Variants in PDE2A observed in about 807,000 individuals in gnomAD.
The protein encoded by PDE2A is phosphodiesterase 2A.
PDE2A carries 53 observed loss-of-function variants against 133.6 expected under a neutral mutation model. The ratio of observed to expected loss-of-function variants is 0.40; its 90% CI spans 0.32 to 0.50. The LOEUF (loss-of-function observed/expected upper bound fraction) is 0.50. PDE2A is among the 20% of genes least tolerant of loss of function. The pLI is 0.73. For missense variants in PDE2A, 796 were observed against 1,232.4 expected (o/e 0.65, Z 5.30); for synonymous variants, 491 against 490.2 (o/e 1.00, Z -0.02).
rs753790488 is a variant in PDE2A at position 72,577,226 on chromosome 11, C to T, written c.*158G>A. On this transcript the variant is annotated 3_prime_UTR_variant, in exon 31 of 31. Transcript: ENST00000334456. ...GGAAGTCTTGCTTCCATTATACAGA[C>T]GAGAAAGCTGAGGCCCAGGAAGGTA... 6.6e-5 allele frequency: 40 copies of T among 606,412 alleles called. No homozygotes were observed. The highest frequency in any genetic ancestry group is 8.8e-5 in the Admixed American group (3 of 34,138). The allele number at this position is 606,412 out of a possible 1,614,324, so 37.6% of individuals were successfully genotyped here. A position where few individuals can be genotyped will look rare whatever the true frequency, so the allele number is the denominator to read the frequency against.
intron 2 of PDE2A, among the ~76,000 whole-genome samples, chr11:72,624,673 T>G (rs552987042): frequency 5.9e-5 from 9 of 152,234 alleles, no homozygotes; most frequent in Non-Finnish European, 1.3e-4. Flanking sequence ...ACTGTCACTT[T>G]CAGTGTCACA....
In PDE2A at chr11:72,661,168, G is replaced by T. The variant is rs1026219470; in HGVS notation, c.71+12969C>A. Among the ~76,000 whole-genome samples, 5 of 152,218 alleles carry T rather than the reference G, an allele frequency of 3.3e-5. 1 individual carries two copies. Among genetic ancestry groups the T allele is most frequent in the Admixed American group, 2.6e-4 (4 of 15,300 alleles). On this transcript the variant is annotated intron_variant, in intron 1 of 30. Coordinates refer to ENST00000334456, the MANE Select transcript of PDE2A (RefSeq NM_002599.5). ...AAAAATAGAAAAATTAGCCAGGCAT[G>T]GTGGTGCGCACCTGTAATCCCAGCT...
chr11:72,608,683 C>G lies in PDE2A; in HGVS notation c.213G>C (p.Leu71=), dbSNP rs772749422. ...CTACCACTCGGGGGAGCACAGCTGA[C>G]AGGGCCTCCTTGACAGCACGTTGCA... ...SGLQRAVKEA[L]SAVLPRVETV... Residue 71 remains leucine, a synonymous_variant, in exon 3 of 31, where the codon CTG becomes CTC. Transcript: ENST00000334456. 4.5e-6 allele frequency: 7 copies of G among 1,571,204 alleles called. No individual in the cohort carries two copies. The highest frequency in any genetic ancestry group is 6.1e-6 in the Non-Finnish European group (7 of 1,156,228).
In PDE2A at chr11:72,589,210, C is replaced by T; in HGVS notation, c.904G>A (p.Asp302Asn). 6.2e-7 allele frequency: 1 copy of T among 1,613,878 alleles called. No homozygotes were observed. Residue 302 changes from aspartate (D) to asparagine (N), a missense_variant, in exon 12 of 31, where the codon GAC becomes AAC. Asp to Asn is a conservative substitution (Grantham distance 23). Around this residue, in one of 7 missense-constraint regions of PDE2A, gnomAD observed 417 missense variants for 475.3 expected, o/e 0.88. Transcript: ENST00000334456. Reference protein sequence around the residue: ...LTGCLGQVVEDKKSIQLKDLT... With the variant: ...LTGCLGQVVENKKSIQLKDLT... Reference sequence around the variant, plus strand: ...TCCTTCAGCTGGATGGACTTCTTGTCTTCCACCACCTGGCCCAGGCATCCT... The same window carrying T: ...TCCTTCAGCTGGATGGACTTCTTGTTTTCCACCACCTGGCCCAGGCATCCT...
chr11:72,657,642 C>T (rs1854935034), intron 1 of PDE2A, among the ~76,000 whole-genome samples: 1 of 152,192 alleles, frequency 6.6e-6, no homozygotes, highest in African/African-American at 2.4e-5. Flanking sequence ...TAATTCATCA[C>T]CTGAACCCTG....
At chr11:72,589,854 C>T (rs1034233728) in intron 10 of PDE2A, 53 bp downstream of exon 10, 13 of 1,608,672 alleles carry the variant, frequency 8.1e-6, no homozygotes, top group Non-Finnish European at 1.1e-5. Context: ...CCTCGGAGAC[C>T]CGAGTTCCTC....
chr11:72,581,713 A>T (rs1312762343), intron 22 of PDE2A, among the ~76,000 whole-genome samples, 164 bp downstream of exon 22: 1 of 152,098 alleles, frequency 6.6e-6, no homozygotes, highest in African/African-American at 2.4e-5. Context: ...TTGACAGTTC[A>T]GTGTCTAGGA....
At chr11:72,604,251 T>A (rs573339473) in intron 4 of PDE2A, among the ~76,000 whole-genome samples, 136 of 152,350 alleles carry the variant, frequency 8.9e-4, no homozygotes, top group Admixed American at 3.5e-3. Context: ...TCTGATGAGT[T>A]CCACTTCCTC....
intron 1 of PDE2A, chr11:72,668,169 T>C: frequency 1.4e-6 from 1 of 705,872 alleles, no homozygotes; most frequent in Non-Finnish European, 2.6e-6. Context: ...TCTGCCGAGA[T>C]GTCTCACATC....
chr11:72,601,521 G>A (rs1513782), intron 4 of PDE2A, among the ~76,000 whole-genome samples: 3,601 of 152,100 alleles, frequency 0.024, 128 homozygotes, highest in African/African-American at 0.083. Context: ...ATTTCTTAGG[G>A]ATGGGCCCTG....
chr11:72,625,536 G>A (rs1858014523), intron 2 of PDE2A, among the ~76,000 whole-genome samples: 1 of 152,204 alleles, frequency 6.6e-6, no homozygotes. Flanking sequence ...CTAAGAGCCA[G>A]GAAACAGGGA....
chr11:72,631,980 G>A (rs150055435), intron 2 of PDE2A, among the ~76,000 whole-genome samples: 4 of 152,312 alleles, frequency 2.6e-5, no homozygotes, highest in East Asian at 1.9e-4. Context: ...CCAGCCTGGC[G>A]CGGGTGCAGG....
intron 2 of PDE2A, among the ~76,000 whole-genome samples, chr11:72,619,058 A>G (rs1019983890): frequency 1.3e-5 from 2 of 152,092 alleles, no homozygotes; most frequent in African/African-American, 4.8e-5. Context: ...GTGCGCACAC[A>G]CACACACACA....
At chr11:72,580,696 G>C (rs1855686523) in intron 24 of PDE2A, 72 bp from the exon 25 acceptor site, 1 of 1,265,658 alleles carries the variant, frequency 7.9e-7, no homozygotes, top group African/African-American at 1.5e-5. Flanking sequence ...AGGCTGAGCA[G>C]TGTCCTGCCC....
rs572589178 is a variant in PDE2A, at chr11:72,630,021, C to T, written c.144+12233G>A. Among the ~76,000 whole-genome samples the T allele has an allele frequency of 7.2e-5, 11 of 152,216 alleles. No homozygotes were observed. The East Asian group carries it at 2.1e-3, about 30-fold the overall frequency. The stretch of plus-strand genomic sequence containing the variant: ...TCTCTCTCACACACACACACACCCT[C>T]CTCTGTGCCGATCTTCAACATCAGC... On this transcript the variant is annotated intron_variant, in intron 2 of 30. Transcript: ENST00000334456.
chr11:72,589,219 C>T lies in PDE2A; in HGVS notation c.895G>A (p.Val299Met), dbSNP rs1856120396. ...SFPLTGCLGQ[V>M]VEDKKSIQLK... Reference sequence around the variant, plus strand: ...TGGATGGACTTCTTGTCTTCCACCACCTGGCCCAGGCATCCTGTCAACTAG... The same window carrying T: ...TGGATGGACTTCTTGTCTTCCACCATCTGGCCCAGGCATCCTGTCAACTAG... Residue 299 changes from valine to methionine, a missense_variant, in exon 12 of 31, where the codon GTG (valine) becomes ATG (methionine). Physicochemically the swap from Val to Met is conservative, Grantham distance 21. Coordinates refer to ENST00000334456, the MANE Select transcript of PDE2A (RefSeq NM_002599.5). 6.2e-7 allele frequency: 1 copy of T among 1,613,896 alleles called. No homozygotes were observed. Among genetic ancestry groups the T allele is most frequent in the Middle Eastern group, 1.6e-4 (1 of 6,062 alleles).
At chr11:72,595,623 TGAGCTGGA>T (rs1193350923) in intron 6 of PDE2A, among the ~76,000 whole-genome samples, 1 of 152,050 alleles carries the variant, frequency 6.6e-6, no homozygotes, top group Admixed American at 6.6e-5. Flanking sequence ...TCCATTTTAA[TGAGCTGGA>T]GAGGAGTCCC....
chr11:72,626,890 G>A (rs1858105167), intron 2 of PDE2A, among the ~76,000 whole-genome samples: 1 of 152,174 alleles, frequency 6.6e-6, no homozygotes. Context: ...AGCCTCCTCT[G>A]GGGCTGAGTC....
chr11:72,590,748 C>CG lies in PDE2A; in HGVS notation c.550-169dup, dbSNP rs1200138714. On this transcript the variant is annotated intron_variant, in intron 7 of 30. Coordinates refer to ENST00000334456, the MANE Select transcript of PDE2A (RefSeq NM_002599.5). The surrounding 1 kb of genome is among the most constrained non-coding windows in gnomAD (Gnocchi z 4.8). ...GACTCTACCTTCCTGAGGGCTCCCCCGGGGGCTCCCACAGCCCCTGGAGCG... is the reference window on the plus strand; with the variant it reads ...GACTCTACCTTCCTGAGGGCTCCCCCGGGGGGCTCCCACAGCCCCTGGAGCG... Among the ~76,000 whole-genome samples, 1 of 152,154 alleles carries CG rather than the reference C, an allele frequency of 6.6e-6. No individual in the cohort carries two copies. The highest frequency in any genetic ancestry group is 2.4e-5 in the African/African-American group (1 of 41,446).
Sources: gnomAD v4.1 joint callset for allele counts (sites outside exome capture counted in the v4.1 genomes callset) on GRCh38, gnomAD v4.1.1 for gene constraint, gnomAD v4.1.1 regional missense constraint, Gnocchi (gnomAD v3.1) non-coding constraint, MANE v1.5 for transcripts, NCBI Gene and HGNC (gene_info 2026-07-23, HGNC 2026-07-21) for gene names.